The following IPO11 variants were observed in gnomAD, a reference collection of about 807,000 sequenced individuals.
IPO11 encodes importin-11.
IPO11 carries 66 observed loss-of-function variants against 143.2 expected under a neutral mutation model. That is an observed-to-expected ratio of 0.46 (90% CI 0.38 to 0.57). The LOEUF (loss-of-function observed/expected upper bound fraction) is 0.57, where lower values mean the gene tolerates loss of function less well. Among genes scored for constraint, IPO11 ranks in the 20% least tolerant of loss-of-function variants. The pLI is 0.00. For missense variants in IPO11, 1,026 were observed against 1,141.0 expected (o/e 0.90, Z 1.45); for synonymous variants, 385 against 377.8 (o/e 1.02, Z -0.22).
intron 5 of IPO11, among the ~76,000 whole-genome samples, chr5:62,454,145 T>A (rs1231310696): frequency 6.1e-5 from 9 of 146,942 alleles, no homozygotes; most frequent in African/African-American, 1.9e-4. Flanking sequence ...AAATAAAAAA[T>A]AAATAAATAA....
chr5:62,483,805 A>T (rs1746300753), intron 10 of IPO11, among the ~76,000 whole-genome samples: 1 of 152,216 alleles, frequency 6.6e-6, no homozygotes, highest in Non-Finnish European at 1.5e-5. Flanking sequence ...ATGGTAATAT[A>T]TAAGCTGTAA....
In IPO11 at chr5:62,483,389, CT is replaced by C. The variant is rs1486560179; in HGVS notation, c.1021+97del. ...ACTTTTTAAAAAATGTCATTTTAGT[CT>C]GAAAAATAAATTGTTGCTGGGACAT... On this transcript the variant is annotated intron_variant, in intron 10 of 29. Transcript: ENST00000325324. The C allele has an allele frequency of 6.9e-6, 5 of 722,226 alleles. No homozygotes were observed. In the African/African-American group the frequency reaches 9.1e-5, roughly 13 times the overall value. The allele number at this position is 722,226 out of a possible 1,614,324, so 44.7% of individuals were successfully genotyped here. A position where few individuals can be genotyped will look rare whatever the true frequency, so the allele number is the denominator to read the frequency against.
Position 62,435,126 on chromosome 5 carries a change from G to A in IPO11, c.-6-2148G>A, listed in dbSNP as rs187620. Among the ~76,000 whole-genome samples the A allele has an allele frequency of 9.8e-4, 72 of 73,396 alleles. 1 individual carries two copies. The highest frequency in any genetic ancestry group is 1.9e-3 in the African/African-American group (30 of 16,198). The allele number at this position is 73,396 out of a possible 152,430, so 48.2% of individuals were successfully genotyped here. On this transcript the variant is annotated intron_variant, in intron 1 of 29. Coordinates refer to ENST00000325324, the MANE Select transcript of IPO11 (RefSeq NM_016338.5). ...TATATATATGTATATATGTATATATGTATATATATGTATATATGTATATAT... is the reference window on the plus strand; with the variant it reads ...TATATATATGTATATATGTATATATATATATATATGTATATATGTATATAT...
At chr5:62,424,898 C>T (rs1743667726) in intron 1 of IPO11, among the ~76,000 whole-genome samples, 1 of 152,072 alleles carries the variant, frequency 6.6e-6, no homozygotes, top group South Asian at 2.1e-4. Flanking sequence ...TTAAAAATTA[C>T]TTCATATTTA....
chr5:62,450,995 A>T (rs573808618), intron 4 of IPO11, among the ~76,000 whole-genome samples: 1 of 152,214 alleles, frequency 6.6e-6, no homozygotes, highest in Non-Finnish European at 1.5e-5. Flanking sequence ...GCTGAAGCAT[A>T]ATGGAGAAAA....
chr5:62,601,934 C>A, intron 29 of IPO11, 86 bp downstream of exon 29: 3 of 763,906 alleles, frequency 3.9e-6, no homozygotes, highest in South Asian at 4.6e-5. Flanking sequence ...TCTATTTGTC[C>A]ATCCAGCTAT....
In IPO11 at chr5:62,469,607, T is replaced by C. The variant is rs146757813; in HGVS notation, c.650-643T>C. Among the ~76,000 whole-genome samples the C allele has an allele frequency of 2.7e-3, 407 of 152,244 alleles. 5 individuals carry two copies. Among genetic ancestry groups the C allele is most frequent in the African/African-American group, 9.3e-3 (387 of 41,560 alleles). On this transcript the variant is annotated intron_variant, in intron 6 of 29. Coordinates refer to ENST00000325324, the MANE Select transcript of IPO11 (RefSeq NM_016338.5). ...GGAATCCATCAATAACCCTATAAAG[T>C]AGGATTTGTTAACCGCATTTTACAG...
chr5:62,464,383 C>T (rs962776134), intron 5 of IPO11, among the ~76,000 whole-genome samples: 1 of 152,000 alleles, frequency 6.6e-6, no homozygotes, highest in Non-Finnish European at 1.5e-5. Context: ...TTGTGATCCT[C>T]CTGCCTTGGC....
intron 29 of IPO11, among the ~76,000 whole-genome samples, chr5:62,611,468 C>T (rs1477046717): frequency 6.6e-6 from 1 of 152,118 alleles, no homozygotes; most frequent in African/African-American, 2.4e-5. Flanking sequence ...AAAGAAAATT[C>T]CCTTGAAAAT....
chr5:62,516,598 C>T (rs959252022), intron 20 of IPO11, among the ~76,000 whole-genome samples: 2 of 152,056 alleles, frequency 1.3e-5, no homozygotes, highest in East Asian at 1.9e-4. Flanking sequence ...CCAGCCCCTC[C>T]GTAAATGGTT....
intron 24 of IPO11, among the ~76,000 whole-genome samples, chr5:62,548,144 T>G (rs1349913805): frequency 6.6e-6 from 1 of 152,178 alleles, no homozygotes; most frequent in Non-Finnish European, 1.5e-5. Context: ...ACGTCATGAT[T>G]CCTCTATTTC....
At chr5:62,626,326 C>G (rs1478704165) in intron 29 of IPO11, among the ~76,000 whole-genome samples, 1 of 152,188 alleles carries the variant, frequency 6.6e-6, no homozygotes, top group African/African-American at 2.4e-5. Context: ...CCGAGCCTGG[C>G]CCTACATTTT....
Position 62,439,280 on chromosome 5 carries a change from G to A in IPO11, c.138+1863G>A, listed in dbSNP as rs1017730507. 5.0e-5 allele frequency among the ~76,000 whole-genome samples: 7 copies of A among 140,922 alleles called. No homozygotes were observed. In the East Asian group the frequency reaches 6.2e-4, roughly 13 times the overall value. The allele number at this position is 140,922 out of a possible 152,430, so 92.5% of individuals were successfully genotyped here. A position where few individuals can be genotyped will look rare whatever the true frequency, so the allele number is the denominator to read the frequency against. On this transcript the variant is annotated intron_variant, in intron 2 of 29. Coordinates refer to ENST00000325324, the MANE Select transcript of IPO11 (RefSeq NM_016338.5). ...ATACCTTATTAATAATACTAACTGC[G>A]TAGGTTTTTTTTTTTTTTTTTTTTT...
At chr5:62,548,277 T>C (rs1743275942) in intron 24 of IPO11, among the ~76,000 whole-genome samples, 1 of 152,188 alleles carries the variant, frequency 6.6e-6, no homozygotes, top group Admixed American at 6.5e-5. Context: ...CACTAAACTG[T>C]CTGACAGATG....
At chr5:62,443,270 G>T in intron 3 of IPO11, 187 bp downstream of exon 3, 1 of 438,588 alleles carries the variant, frequency 2.3e-6, no homozygotes, top group Non-Finnish European at 4.0e-6. Flanking sequence ...TTTGTGAAGT[G>T]TTTGATATTT....
At chr5:62,438,984 A>G (rs1021036924) in intron 2 of IPO11, among the ~76,000 whole-genome samples, 2 of 151,560 alleles carry the variant, frequency 1.3e-5, no homozygotes, top group African/African-American at 4.9e-5. Context: ...GTGTGAACCC[A>G]GGAAGCAGAG....
At chr5:62,442,630 G>A (rs111351837) in intron 2 of IPO11, among the ~76,000 whole-genome samples, 3,242 of 152,198 alleles carry the variant, frequency 0.021, 124 homozygotes, top group African/African-American at 0.075. Context: ...AGGCCAAGGC[G>A]AATGGATCAC....
chr5:62,515,285 A>G, intron 19 of IPO11, 103 bp from the exon 20 acceptor site: 1 of 626,998 alleles, frequency 1.6e-6, no homozygotes, highest in Admixed American at 2.9e-5. Flanking sequence ...TAAATATTAA[A>G]TATGTGCTGT....
intron 20 of IPO11, among the ~76,000 whole-genome samples, chr5:62,517,630 C>T (rs572804359): frequency 1.3e-3 from 204 of 152,164 alleles, no homozygotes; most frequent in African/African-American, 4.5e-3. Flanking sequence ...CTTGAACTGC[C>T]GACCTCAGGT....
Sources: gnomAD v4.1 joint callset for allele counts (sites outside exome capture counted in the v4.1 genomes callset) on GRCh38, gnomAD v4.1.1 for gene constraint, MANE v1.5 for transcripts, NCBI Gene and HGNC (gene_info 2026-07-23, HGNC 2026-07-21) for gene names.